ACSM2B: variants seen among roughly 807,000 people sequenced by gnomAD.
ACSM2B encodes the protein acyl-CoA synthetase medium chain family member 2B.
In ACSM2B, 58 loss-of-function variants were observed where a neutral mutation model predicts 78.6. That is an observed-to-expected ratio of 0.74 (90% CI 0.60 to 0.92). ACSM2B has a LOEUF of 0.92. ACSM2B is among the 40% of genes least tolerant of loss of function. The pLI is 0.00. For synonymous variants in ACSM2B, 257 were observed against 256.8 expected (o/e 1.00, Z -0.01); for missense variants, 688 against 711.2 (o/e 0.97, Z 0.37).
Position 20,547,160 on chromosome 16 carries a change from A to G in ACSM2B, c.1099-686T>C, listed in dbSNP as rs535856990. 7.9e-6 allele frequency: 8 copies of G among 1,015,030 alleles called. No individual in the cohort carries two copies. In the African/African-American group the frequency reaches 1.0e-4, roughly 13 times the overall value. 62.9% of individuals were successfully genotyped at this position (1,015,030 alleles called of 1,614,324 possible). Reference sequence around the variant, plus strand: ...CGCCACCCACTGTGCTGGAAAGGGCAAGTTGATTGACCCACCTCAGAAGAG... The same window carrying G: ...CGCCACCCACTGTGCTGGAAAGGGCGAGTTGATTGACCCACCTCAGAAGAG... On this transcript the variant is annotated intron_variant, in intron 8 of 13. Transcript: ENST00000329697.
chr16:20,540,098 C>T (rs182684821), intron 13 of ACSM2B, among the ~76,000 whole-genome samples: 108 of 152,270 alleles, frequency 7.1e-4, no homozygotes, highest in African/African-American at 2.6e-3. Flanking sequence ...AGAACTTATT[C>T]CCTTGACAGC....
In ACSM2B at chr16:20,541,078, A is replaced by G. The variant is rs111943730; in HGVS notation, c.1510-305T>C. 2.5e-3 allele frequency: 545 copies of G among 214,244 alleles called. 3 individuals are homozygous for G. Among genetic ancestry groups the G allele is most frequent in the African/African-American group, 0.011 (478 of 44,524 alleles). The allele number at this position is 214,244 out of a possible 1,614,324, so 13.3% of individuals were successfully genotyped here. On this transcript the variant is annotated intron_variant, in intron 12 of 13. Coordinates refer to ENST00000329697, the MANE Select transcript of ACSM2B (RefSeq NM_001105069.2). The stretch of plus-strand genomic sequence containing the variant: ...GGAGAAAAGAGAAAAATAGACTGAA[A>G]ACCATAACCCTAAACAATGTGTTAA...
intron 12 of ACSM2B, chr16:20,541,031 TGAGGA>T (rs2014974485): frequency 3.3e-6 from 1 of 307,254 alleles, no homozygotes; most frequent in South Asian, 8.8e-5. Context: ...CAGAGACAGA[TGAGGA>T]GAAAGAAGAT....
At chr16:20,543,635 T>A (rs1170621537) in intron 10 of ACSM2B, among the ~76,000 whole-genome samples, 5 of 152,212 alleles carry the variant, frequency 3.3e-5, no homozygotes, top group African/African-American at 1.2e-4. Context: ...GATTAGGTAC[T>A]TTTCTTAGCT....
Position 20,537,150 on chromosome 16 carries a change from T to C in ACSM2B, c.*108A>G. 7.4e-7 allele frequency: 1 copy of C among 1,347,846 alleles called. No homozygotes were observed. The highest frequency in any genetic ancestry group is 1.0e-6 in the Non-Finnish European group (1 of 963,430). 83.5% of individuals were successfully genotyped at this position (1,347,846 alleles called of 1,614,324 possible). ...TAACCAGGGCAAGACAAAACTTACA[T>C]TCATGTTCTTTCATAAAGAATCTCA... is the stretch of plus-strand genomic sequence containing the variant. On this transcript the variant is annotated 3_prime_UTR_variant, in exon 14 of 14. Transcript: ENST00000329697.
chr16:20,546,599 C>G, intron 8 of ACSM2B, 125 bp from the exon 9 acceptor site: 1 of 1,407,734 alleles, frequency 7.1e-7, no homozygotes. Context: ...GGTGGCTCCC[C>G]CTGCTCCTCA....
At chr16:20,540,270 T>G (rs1404347413) in intron 13 of ACSM2B, among the ~76,000 whole-genome samples, 1 of 140,500 alleles carries the variant, frequency 7.1e-6, no homozygotes, top group Non-Finnish European at 1.5e-5. Context: ...TGAGACAGGG[T>G]CTCACTCTGT....
intron 6 of ACSM2B, among the ~76,000 whole-genome samples, chr16:20,550,561 C>T (rs12103188): frequency 0.024 from 3,652 of 152,130 alleles, 156 homozygotes; most frequent in African/African-American, 0.085. Context: ...TAAGAATTTG[C>T]TTAAAACAGA....
chr16:20,546,278 A>G (rs534574599), intron 9 of ACSM2B, 116 bp downstream of exon 9: 80 of 1,419,578 alleles, frequency 5.6e-5, no homozygotes, highest in African/African-American at 2.6e-4. Flanking sequence ...TTTTTCTGAT[A>G]TTATCTTAAT....
intron 12 of ACSM2B, 67 bp from the exon 13 acceptor site, chr16:20,540,840 A>G: frequency 6.4e-7 from 1 of 1,574,376 alleles, no homozygotes; most frequent in South Asian, 1.1e-5. Context: ...GAATAATGTG[A>G]AATTAGCATT....
intron 1 of ACSM2B, among the ~76,000 whole-genome samples, chr16:20,566,247 TTATATATATATATATATATA>T (rs200052689): frequency 4.3e-5 from 3 of 69,982 alleles, no homozygotes; most frequent in African/African-American, 1.1e-4. Context: ...TCATGGAAGA[TTATATATATATATATATATA>T]TATATATATA....
intron 6 of ACSM2B, among the ~76,000 whole-genome samples, chr16:20,551,165 A>G (rs868038723): frequency 1.6e-4 from 24 of 152,300 alleles, no homozygotes; most frequent in African/African-American, 5.3e-4. Context: ...TAGATATCAA[A>G]CGAAGGATTA....
At chr16:20,537,785 C>T (rs28651959) in intron 13 of ACSM2B, among the ~76,000 whole-genome samples, 120,319 of 152,098 alleles carry the variant, frequency 0.79, 48,149 homozygotes, top group Non-Finnish European at 0.82. Context: ...GGAGATTATG[C>T]AGGCTAAGTT....
chr16:20,573,359 T>A (rs2016146913), intron 1 of ACSM2B, among the ~76,000 whole-genome samples: 1 of 150,442 alleles, frequency 6.6e-6, no homozygotes, highest in Admixed American at 6.6e-5. Flanking sequence ...GGCAACTGCC[T>A]CAGGGGAGGC....
At chr16:20,540,219 T>G (rs1353835309) in intron 13 of ACSM2B, among the ~76,000 whole-genome samples, 1 of 51,560 alleles carries the variant, frequency 1.9e-5, no homozygotes, top group African/African-American at 4.9e-5. Flanking sequence ...AGTTGTTTTT[T>G]TTTTGTTTTT....
chr16:20,544,458 T>C, intron 10 of ACSM2B: 2 of 670,146 alleles, frequency 3.0e-6, no homozygotes, highest in South Asian at 6.7e-5. Context: ...GTTTAAAGTT[T>C]AAAAATTAAA....
At chr16:20,570,034 A>G (rs1319459918) in intron 1 of ACSM2B, among the ~76,000 whole-genome samples, 1 of 151,752 alleles carries the variant, frequency 6.6e-6, no homozygotes, top group East Asian at 1.9e-4. Flanking sequence ...CTCTTTACCA[A>G]TTTGGAGGAC....
At chr16:20,553,654 T>C in intron 5 of ACSM2B, 123 bp downstream of exon 5, 1 of 1,454,648 alleles carries the variant, frequency 6.9e-7, no homozygotes, top group Non-Finnish European at 9.2e-7. Flanking sequence ...TTAGCTTTCC[T>C]TCTGAATTTT....
Position 20,548,421 on chromosome 16 carries a change from C to A in ACSM2B, c.947G>T (p.Arg316Leu). Reference protein sequence around the residue: ...KSMMGAPIVYRMLLQQDLSSY... With the variant: ...KSMMGAPIVYLMLLQQDLSSY... ...GGAAAGATCCTGCTGTAGCAACATC[C>A]GGTAAACAATAGGGGCACCCATCAT... The change falls in exon 7 of 14, where the codon CGG becomes CTG. Residue 316 changes from arginine to leucine, a missense_variant. Arg to Leu is a moderately radical substitution (Grantham distance 102). Transcript: ENST00000329697. 6.2e-7 allele frequency: 1 copy of A among 1,613,624 alleles called. No homozygotes were observed. The highest frequency in any genetic ancestry group is 8.5e-7 in the Non-Finnish European group (1 of 1,179,738).
Sources: allele counts gnomAD v4.1 joint callset (sites outside exome capture counted in the v4.1 genomes callset), GRCh38; gene constraint gnomAD v4.1.1; transcripts MANE v1.5; gene names NCBI Gene and HGNC (gene_info 2026-07-23, HGNC 2026-07-21).